Variants in AP4B1 observed in about 807,000 individuals in gnomAD.
AP4B1 encodes the protein AP-4 complex subunit beta-1.
A neutral mutation model predicts 76.5 loss-of-function variants in AP4B1; 49 were observed. That is an observed-to-expected ratio of 0.64 (90% CI 0.51 to 0.81). AP4B1 has a LOEUF of 0.81. Among genes scored for constraint, AP4B1 ranks in the 40% least tolerant of loss-of-function variants. AP4B1 has a pLI of 0.00. For missense variants in AP4B1, 911 were observed against 904.9 expected (o/e 1.01, Z -0.09); for synonymous variants, 330 against 333.3 (o/e 0.99, Z 0.11).
intron 6 of AP4B1, 41 bp downstream of exon 6, chr1:113,898,677 C>A (rs778475942): frequency 1.4e-5 from 21 of 1,496,076 alleles, no homozygotes; most frequent in Non-Finnish European, 1.6e-5. Flanking sequence ...AGGCCAGGCA[C>A]CTGACAAAAA....
upstream of AP4B1, chr1:113,904,959 T>C (rs1370516369): frequency 2.0e-6 from 1 of 494,102 alleles, no homozygotes; most frequent in Non-Finnish European, 3.7e-6. Flanking sequence ...CGGCAGGCCG[T>C]TCGCCCCGCC....
rs558196790 is a variant in AP4B1, at chr1:113,901,397, C to G, written c.470-14G>C. On this transcript the variant is annotated splice_polypyrimidine_tract_variant and intron_variant, in intron 3 of 9. Transcript: ENST00000369569. ...CCAGGGCACCATCTATAAAAAAGAA[C>G]AAAGTTCTTAGATAAAGAAGGAAAG... The G allele has an allele frequency of 6.2e-7, 1 of 1,613,110 alleles. No individual in the cohort carries two copies. Among genetic ancestry groups the G allele is most frequent in the Non-Finnish European group, 8.5e-7 (1 of 1,179,218 alleles).
rs34751342 is a variant in AP4B1 at position 113,901,822 on chromosome 1, T to G, written c.402A>C (p.Ser134=). ...CAAGGACTGCCACTCTCCTGACATA[T>G]GAAGCCTTATCCCGCAGACCATTGA... The part of the protein sequence containing the change: ...PILNGLRDKA[S]YVRRVAVLGC... Residue 134 remains serine, a synonymous_variant, in exon 3 of 10, where the codon TCA becomes TCC. Transcript: ENST00000369569. 0.039 allele frequency: 63,501 copies of G among 1,614,146 alleles called. 1,578 individuals are homozygous for G. Among genetic ancestry groups the G allele is most frequent in the South Asian group, 0.067 (6,077 of 91,080 alleles).
intron 5 of AP4B1, 62 bp from the exon 6 acceptor site, chr1:113,898,863 TCA>T (rs1333984979): frequency 7.9e-7 from 1 of 1,259,494 alleles, no homozygotes; most frequent in Non-Finnish European, 1.1e-6. Context: ...CAATCTAAAA[TCA>T]TCTCCCACCA....
intron 5 of AP4B1, 177 bp from the exon 6 acceptor site, chr1:113,898,978 T>C (rs1037295072): frequency 2.5e-5 from 24 of 964,512 alleles, no homozygotes; most frequent in Non-Finnish European, 3.5e-5. Flanking sequence ...AAGGGAACTT[T>C]GGTAAAAATC....
chr1:113,900,452 T>C, intron 4 of AP4B1, 52 bp from the exon 5 acceptor site: 1 of 1,601,954 alleles, frequency 6.2e-7, no homozygotes, highest in East Asian at 2.2e-5. Context: ...ATTAGGACCA[T>C]TTCCATGCCA....
chr1:113,900,112 C>T lies in AP4B1; in HGVS notation c.906G>A (p.Gln302=). 1 of 1,614,196 alleles carries T rather than the reference C, an allele frequency of 6.2e-7. No individual in the cohort carries two copies. ...LCFVALCHVR[Q]ILHSLPGHFS... is the part of the protein sequence containing the mutation. ...AGTGACCTGGTAAACTATGCAAGATCTGGCGTACATGACAAAGAGCAACAA... is the reference window on the plus strand; with the variant it reads ...AGTGACCTGGTAAACTATGCAAGATTTGGCGTACATGACAAAGAGCAACAA... The change falls in exon 5 of 10, where the codon CAG becomes CAA. Residue 302 remains glutamine (Q), a synonymous_variant. Transcript: ENST00000369569.
In AP4B1 at chr1:113,900,070, T is replaced by A. The variant is rs1341083033; in HGVS notation, c.948A>T (p.Lys316Asn). ...SLPGHFSSHY[K>N]KFFCSYSEPH... is the part of the protein sequence containing the mutation. ...GCTCCGAGTAGGAGCAAAAAAACTT[T>A]TTGTAGTGGCTGCTAAAGTGACCTG... The change falls in exon 5 of 10, where the codon AAA (lysine) becomes AAT (asparagine). Residue 316 changes from lysine to asparagine, a missense_variant. Lys to Asn is a moderately conservative substitution (Grantham distance 94, BLOSUM62 0). Transcript: ENST00000369569. 2 of 1,614,204 alleles carry A rather than the reference T, an allele frequency of 1.2e-6. No individual in the cohort carries two copies. Among genetic ancestry groups the A allele is most frequent in the Middle Eastern group, 1.6e-4 (1 of 6,062 alleles).
intron 1 of AP4B1, 88 bp from the exon 2 acceptor site, chr1:113,902,950 C>A (rs1668477671): frequency 1.7e-6 from 2 of 1,190,322 alleles, no homozygotes. Flanking sequence ...TCCTGATTAC[C>A]CAACTAGATT....
At chr1:113,902,905 C>T in intron 1 of AP4B1, 43 bp from the exon 2 acceptor site, 1 of 1,576,764 alleles carries the variant, frequency 6.3e-7, no homozygotes, top group Non-Finnish European at 8.7e-7. Flanking sequence ...TGCAAAATCC[C>T]CAACTTACAA....
rs1352095263 is a variant in AP4B1 at position 113,901,421 on chromosome 1, A to T, written c.470-38T>A. ...ACAAAGTTCTTAGATAAAGAAGGAA[A>T]GCTTCAGAGTAACAAGGATGTAGCC... On this transcript the variant is annotated intron_variant, in intron 3 of 9. Transcript: ENST00000369569. The T allele has an allele frequency of 7.5e-6, 12 of 1,602,208 alleles. No individual in the cohort carries two copies. The East Asian group carries it at 2.7e-4, about 36-fold the overall frequency.
At chr1:113,900,466 C>T (rs1668095418) in intron 4 of AP4B1, 66 bp from the exon 5 acceptor site, 2 of 1,569,694 alleles carry the variant, frequency 1.3e-6, no homozygotes, top group Non-Finnish European at 1.7e-6. Context: ...CATGCCACTG[C>T]CATATGACCA....
At chr1:113,895,579 T>G in intron 9 of AP4B1, 87 bp from the exon 10 acceptor site, 1 of 1,568,178 alleles carries the variant, frequency 6.4e-7, no homozygotes, top group South Asian at 1.1e-5. Flanking sequence ...GTACACAATG[T>G]GACTTTTATT....
chr1:113,898,567 G>A, intron 6 of AP4B1, 151 bp downstream of exon 6: 1 of 737,778 alleles, frequency 1.4e-6, no homozygotes, highest in Admixed American at 2.0e-5. Flanking sequence ...TAGATCTATA[G>A]ACTTTATGCT....
intron 6 of AP4B1, 120 bp from the exon 7 acceptor site, chr1:113,898,063 G>C (rs992905164): frequency 6.4e-7 from 1 of 1,550,556 alleles, no homozygotes. Context: ...AATGGGTTTT[G>C]GAGGTGTGGT....
In AP4B1 at chr1:113,896,465, C is replaced by T. The variant is rs1667481968; in HGVS notation, c.1303G>A (p.Gly435Arg). Residue 435 changes from glycine (G) to arginine (R), a missense_variant and splice_region_variant, in exon 8 of 10, where the codon GGG (glycine) becomes AGG (arginine). Coordinates refer to ENST00000369569, the MANE Select transcript of AP4B1 (RefSeq NM_001253852.3). ...AGTAGCCAAATAAGTGCTTGCTTCC[C>T]CTAGAGAATAAAGGAATAAGAGCAA... ...GCEENIQDSE[G>R]KQALIWLLGV... 3 of 1,613,920 alleles carry T rather than the reference C, an allele frequency of 1.9e-6. No homozygotes were observed. Among genetic ancestry groups the T allele is most frequent in the Non-Finnish European group, 2.5e-6 (3 of 1,179,926 alleles).
intron 9 of AP4B1, 63 bp downstream of exon 9, chr1:113,895,694 C>T: frequency 4.4e-6 from 7 of 1,601,808 alleles, no homozygotes; most frequent in Non-Finnish European, 6.0e-6. Flanking sequence ...ACTCTACTTT[C>T]CACCAATCAT....
chr1:113,898,691 C>A lies in AP4B1; in HGVS notation c.1198+27G>T, dbSNP rs770112076. 38 of 1,594,832 alleles carry A rather than the reference C, an allele frequency of 2.4e-5. No homozygotes were observed. The South Asian group carries it at 4.2e-4, about 18-fold the overall frequency. Reference sequence around the variant, plus strand: ...TAGGCCAGGCACCTGACAAAAAAAACAAAAATCCTAAAAAGGCAGGCATTA... The same window carrying A: ...TAGGCCAGGCACCTGACAAAAAAAAAAAAAATCCTAAAAAGGCAGGCATTA... On this transcript the variant is annotated intron_variant, in intron 6 of 9. Coordinates refer to ENST00000369569, the MANE Select transcript of AP4B1 (RefSeq NM_001253852.3).
intron 6 of AP4B1, among the ~76,000 whole-genome samples, chr1:113,898,288 T>C (rs191932322): frequency 2.0e-5 from 3 of 152,224 alleles, no homozygotes; most frequent in South Asian, 4.1e-4. Context: ...ATAACACAAG[T>C]GAGGTGCCTA....
Sources: gnomAD v4.1 joint callset for allele counts (sites outside exome capture counted in the v4.1 genomes callset) on GRCh38, gnomAD v4.1.1 for gene constraint, MANE v1.5 for transcripts, NCBI Gene and HGNC (gene_info 2026-07-23, HGNC 2026-07-21) for gene names.